The following HADHA variants were observed in gnomAD, a reference collection of about 807,000 sequenced individuals.
The protein encoded by HADHA is hydroxyacyl-CoA dehydrogenase trifunctional multienzyme complex subunit alpha, also known as trifunctional enzyme subunit alpha, mitochondrial.
Under a neutral mutation model 91.3 loss-of-function variants are expected in HADHA, and 59 were observed. The observed-to-expected ratio is 0.65, with a 90% CI of 0.52 to 0.80. HADHA has a LOEUF of 0.80. HADHA is among the 30% of genes least tolerant of loss of function. HADHA has a pLI of 0.00. For synonymous variants in HADHA, 320 were observed against 338.9 expected, an observed-to-expected ratio of 0.94 and a Z score of 0.61; for missense variants, 800 against 927.6, an observed-to-expected ratio of 0.86 and a Z score of 1.79.
chr2:26,195,135 A>G lies in HADHA; in HGVS notation c.1577T>C (p.Val526Ala), dbSNP rs1669629783. The change falls in exon 15 of 20, where the codon GTA becomes GCA. Residue 526 changes from valine (V) to alanine (A), a missense_variant. Coordinates refer to ENST00000380649, the MANE Select transcript of HADHA (RefSeq NM_000182.5). ...CTTCCCCTGCTTGAGACCAACTGCT[A>G]CAGCTGAAGCACTGGTGTCTTTGGA... ...KTSKDTSASA[V>A]AVGLKQGKVI... is the part of the protein sequence containing the mutation. 2 of 1,612,384 alleles carry G rather than the reference A, an allele frequency of 1.2e-6. No individual in the cohort carries two copies. Among genetic ancestry groups the G allele is most frequent in the Non-Finnish European group, 1.7e-6 (2 of 1,178,620 alleles).
rs193147804 is a variant in HADHA at position 26,244,392 on chromosome 2, C to T, written c.67+138G>A. ...TCAGAAGGTCACGGGAAACCGGGTC[C>T]CAGGGCAGTATCCCCACAGAGGGCT... On this transcript the variant is annotated intron_variant, in intron 1 of 19. Coordinates refer to ENST00000380649, the MANE Select transcript of HADHA (RefSeq NM_000182.5). 2.8e-3 allele frequency: 2,370 copies of T among 856,214 alleles called. 16 individuals are homozygous for T. The highest frequency in any genetic ancestry group is 8.5e-3 in the South Asian group (591 of 69,758). 53.0% of individuals were successfully genotyped at this position (856,214 alleles called of 1,614,324 possible).
chr2:26,219,318 G>C, intron 7 of HADHA, among the ~76,000 whole-genome samples: 1 of 151,850 alleles, frequency 6.6e-6, no homozygotes, highest in Non-Finnish European at 1.5e-5. Context: ...AGTAGAGATG[G>C]GGTTTCACCA....
rs188323239 is a variant in HADHA at position 26,217,683 on chromosome 2, G to A, written c.677-2508C>T. Among the ~76,000 whole-genome samples the A allele has an allele frequency of 1.3e-3, 205 of 152,150 alleles. 1 individual carries two copies. Among genetic ancestry groups the A allele is most frequent in the African/African-American group, 4.7e-3 (197 of 41,514 alleles). On this transcript the variant is annotated intron_variant, in intron 7 of 19. Coordinates refer to ENST00000380649, the MANE Select transcript of HADHA (RefSeq NM_000182.5). ...TGGGAGGCTGAGGTGGGAGGATCAC[G>A]TGAGCCCAGGGGTTTGAGACCAGTG...
intron 9 of HADHA, among the ~76,000 whole-genome samples, chr2:26,213,722 T>G (rs988812340): frequency 6.6e-6 from 1 of 152,182 alleles, no homozygotes; most frequent in Non-Finnish European, 1.5e-5. Flanking sequence ...TTATATCTCT[T>G]AAAGGCTATC....
intron 15 of HADHA, 128 bp from the exon 16 acceptor site, chr2:26,194,766 T>C (rs771652545): frequency 2.8e-5 from 21 of 742,014 alleles, no homozygotes; most frequent in African/African-American, 1.0e-4. Context: ...ACTTAAAATC[T>C]CAATCAGAAT....
chr2:26,228,815 G>A (rs150927509), intron 7 of HADHA, among the ~76,000 whole-genome samples: 88 of 151,966 alleles, frequency 5.8e-4, no homozygotes, highest in East Asian at 9.7e-4. Flanking sequence ...GGGACTACAG[G>A]TATACACTAT....
At chr2:26,193,494 G>A (rs902619321) in intron 17 of HADHA, 83 bp downstream of exon 17, 13 of 1,144,092 alleles carry the variant, frequency 1.1e-5, no homozygotes, top group Non-Finnish European at 1.7e-5. Context: ...CTTCCACGAG[G>A]GCTTCTGTAA....
At chr2:26,235,533 C>A (rs1429875713) in intron 4 of HADHA, among the ~76,000 whole-genome samples, 1 of 152,174 alleles carries the variant, frequency 6.6e-6, no homozygotes, top group Admixed American at 6.5e-5. Flanking sequence ...GTAGCTACTG[C>A]CAGGTACATC....
chr2:26,241,466 A>G (rs1670885244), intron 1 of HADHA, among the ~76,000 whole-genome samples: 1 of 148,302 alleles, frequency 6.7e-6, no homozygotes, highest in African/African-American at 2.5e-5. Context: ...CTAAAAATAC[A>G]ACAACAACAA....
chr2:26,192,311 C>T lies in HADHA; in HGVS notation c.1999G>A (p.Val667Ile), dbSNP rs748068863. ...ASLKLPPKSE[V>I]SSDEDIQFRL... ...CATTAGCCACTCAAACGGACTTACA[C>T]TTCAGACTTAGGAGGCAGCTTCAGA... The change falls in exon 18 of 20, where the codon GTC becomes ATC. Residue 667 changes from valine to isoleucine, a missense_variant and splice_region_variant. Transcript: ENST00000380649. 4 of 1,535,824 alleles carry T rather than the reference C, an allele frequency of 2.6e-6. No individual in the cohort carries two copies. Among genetic ancestry groups the T allele is most frequent in the South Asian group, 1.1e-5 (1 of 89,584 alleles).
chr2:26,206,143 A>AAAT (rs567862524), intron 11 of HADHA, among the ~76,000 whole-genome samples: 5 of 152,098 alleles, frequency 3.3e-5, no homozygotes, highest in Admixed American at 6.5e-5. Flanking sequence ...TCTATTATGA[A>AAAT]AATAATAATA....
At chr2:26,204,803 G>A (rs983911626) in intron 11 of HADHA, among the ~76,000 whole-genome samples, 2 of 152,008 alleles carry the variant, frequency 1.3e-5, no homozygotes, top group African/African-American at 2.4e-5. Context: ...GGCTGGTCTC[G>A]AACTCCTGGC....
At chr2:26,195,899 C>G (rs1669657202) in intron 14 of HADHA, among the ~76,000 whole-genome samples, 1 of 152,150 alleles carries the variant, frequency 6.6e-6, no homozygotes, top group South Asian at 2.1e-4. Context: ...GATTCTGATG[C>G]GTGCTAAGGT....
intron 11 of HADHA, among the ~76,000 whole-genome samples, chr2:26,207,225 TAA>T (rs1342439673): frequency 6.7e-6 from 1 of 149,958 alleles, no homozygotes; most frequent in Non-Finnish European, 1.5e-5. Flanking sequence ...CCCTTTCCCC[TAA>T]CAAAAAAAAT....
rs1416193694 is a variant in HADHA, at chr2:26,239,176, G to A, written c.68-33C>T. On this transcript the variant is annotated intron_variant, in intron 1 of 19. Transcript: ENST00000380649. ...AAAAGACATTTCAAAATTAATTTGC[G>A]AAACAATTTCTGTAGTACCTTTTAT... is the stretch of plus-strand genomic sequence containing the variant. 6.8e-6 allele frequency: 10 copies of A among 1,462,826 alleles called. No homozygotes were observed. The African/African-American group carries it at 8.3e-5, about 12-fold the overall frequency. 90.6% of individuals were successfully genotyped at this position (1,462,826 alleles called of 1,614,324 possible).
Position 26,232,218 on chromosome 2 carries a change from G to C in HADHA, c.515C>G (p.Pro172Arg), listed in dbSNP as rs1186647207. 6.2e-7 allele frequency: 1 copy of C among 1,606,206 alleles called. No homozygotes were observed. Among genetic ancestry groups the C allele is most frequent in the Non-Finnish European group, 8.5e-7 (1 of 1,172,944 alleles). Residue 172 changes from proline (P) to arginine (R), a missense_variant, in exon 6 of 20, where the codon CCT becomes CGT. Transcript: ENST00000380649. ...TGGTAAGGCCCCCAGCAAAACTTCA[G>C]GGGTACCTAATACTGTTTTTCTGTC... is the stretch of plus-strand genomic sequence containing the variant. ...TKDRKTVLGT[P>R]EVLLGALPGA...
rs555977440 is a variant in HADHA, at chr2:26,214,212, A to C, written c.918+231T>G. ...TGGTTTTCTGGTTTGTTACTGATAC[A>C]TTTAACTGCATCAATCAATGAGTAA... On this transcript the variant is annotated intron_variant, in intron 9 of 19. Transcript: ENST00000380649. The surrounding 1 kb of genome is among the most constrained non-coding windows in gnomAD (Gnocchi z 4.1). Among the ~76,000 whole-genome samples, 2 of 152,296 alleles carry C rather than the reference A, an allele frequency of 1.3e-5. No homozygotes were observed. Among genetic ancestry groups the C allele is most frequent in the African/African-American group, 4.8e-5 (2 of 41,552 alleles).
chr2:26,193,632 C>T lies in HADHA; in HGVS notation c.1830G>A (p.Arg610=). The change falls in exon 17 of 20, where the codon CGG becomes CGA. Residue 610 remains arginine, a synonymous_variant. Transcript: ENST00000380649. ...AEDLGKVFGE[R]FGGGNPELLT... ...GCAGTTCTGGGTTTCCACCTCCAAA[C>T]CGCTCCCCAAAGACTTTGCCCAGAT... The T allele has an allele frequency of 1.9e-6, 3 of 1,614,120 alleles. No homozygotes were observed. Among genetic ancestry groups the T allele is most frequent in the Non-Finnish European group, 2.5e-6 (3 of 1,179,990 alleles).
At position 26,209,875 on chromosome 2, in the gene HADHA, A is replaced by G. The variant is rs1433589314; in HGVS notation, c.990T>C (p.Leu330=). The change falls in exon 11 of 20, where the codon CTT becomes CTC. Residue 330 remains leucine (L), a synonymous_variant. Transcript: ENST00000380649. ...YLCESQKFGE[L]VMTKESKALM... ...AGGCCTTTGATTCTTTGGTCATTAC[A>G]AGCTCTCCAAATTTCTGAAAAGTAA... The G allele has an allele frequency of 1.9e-6, 3 of 1,575,626 alleles. No individual in the cohort carries two copies. The highest frequency in any genetic ancestry group is 2.6e-6 in the Non-Finnish European group (3 of 1,144,974).
Sources: allele counts gnomAD v4.1 joint callset (sites outside exome capture counted in the v4.1 genomes callset), GRCh38; gene constraint gnomAD v4.1.1; non-coding constraint Gnocchi (gnomAD v3.1); transcripts MANE v1.5; gene names NCBI Gene and HGNC (gene_info 2026-07-23, HGNC 2026-07-21).